Variants in GALNT5 observed in about 807,000 individuals in gnomAD.
GALNT5 encodes the protein UDP-GalNAc:polypeptide N-acetylgalactosaminyltransferase 5.
GALNT5 carries 72 observed loss-of-function variants against 85.4 expected under a neutral mutation model. The ratio of observed to expected loss-of-function variants is 0.84; its 90% CI spans 0.70 to 1.03. GALNT5 has a LOEUF of 1.03. Among genes scored for constraint, GALNT5 ranks in the 50% least tolerant of loss-of-function variants. The pLI, the probability that GALNT5 is intolerant of heterozygous loss-of-function variation, is 0.00. For missense variants in GALNT5, 1,137 were observed against 1,135.5 expected, an observed-to-expected ratio of 1.00 and a Z score of -0.02; for synonymous variants, 404 against 397.0, an observed-to-expected ratio of 1.02 and a Z score of -0.21.
intron 1 of GALNT5, among the ~76,000 whole-genome samples, chr2:157,274,274 A>G (rs1682668281): frequency 6.6e-6 from 1 of 152,220 alleles, no homozygotes; most frequent in South Asian, 2.1e-4. Context: ...TAGTGCCGCA[A>G]TAAACAAACG....
Position 157,259,431 on chromosome 2 carries a change from G to A in GALNT5, c.1349G>A (p.Gly450Glu). The change falls in exon 1 of 10, where the codon GGA becomes GAA. Residue 450 changes from glycine to glutamate, a missense_variant. Coordinates refer to ENST00000259056, the MANE Select transcript of GALNT5 (RefSeq NM_014568.3). The part of the protein sequence containing the change: ...QFGRPVVVPH[G>E]KEKEAERRWK... ...GGGCGTCCTGTAGTTGTCCCCCATG[G>A]AAAGGAGAAGGAGGCAGAAAGAAGA... is the stretch of plus-strand genomic sequence containing the variant. The A allele has an allele frequency of 6.8e-7, 1 of 1,475,610 alleles. No homozygotes were observed. The highest frequency in any genetic ancestry group is 1.6e-5 in the South Asian group (1 of 62,130). 91.4% of individuals were successfully genotyped at this position (1,475,610 alleles called of 1,614,324 possible).
intron 6 of GALNT5, among the ~76,000 whole-genome samples, chr2:157,300,144 CATTG>C (rs1683307205): frequency 6.6e-6 from 1 of 152,194 alleles, no homozygotes; most frequent in African/African-American, 2.4e-5. Flanking sequence ...ATTATACAAT[CATTG>C]ATTAACTTCT....
rs139145540 is a variant in GALNT5, at chr2:157,305,732, C to T, written c.2440-17C>T. 7.4e-4 allele frequency: 1,051 copies of T among 1,412,788 alleles called. 1 individual carries two copies. Among genetic ancestry groups the T allele is most frequent in the East Asian group, 6.4e-3 (281 of 43,862 alleles). The allele number at this position is 1,412,788 out of a possible 1,614,324, so 87.5% of individuals were successfully genotyped here. On this transcript the variant is annotated splice_polypyrimidine_tract_variant and intron_variant, in intron 7 of 9. Coordinates refer to ENST00000259056, the MANE Select transcript of GALNT5 (RefSeq NM_014568.3). Reference sequence around the variant, plus strand: ...TTAAAATATTTTGTAATTCCTGTTTCGTATTTTGCTTTTTAGCTTATTAAT... The same window carrying T: ...TTAAAATATTTTGTAATTCCTGTTTTGTATTTTGCTTTTTAGCTTATTAAT...
At position 157,314,780 on chromosome 2, in the gene GALNT5, C is replaced by T. The variant is rs546401794; in HGVS notation, c.*3432C>T. Reference sequence around the variant, plus strand: ...TGATTGAATTCCTATATTCAGAATACAAGAAAAAAAATTTACCAACCAGGC... The same window carrying T: ...TGATTGAATTCCTATATTCAGAATATAAGAAAAAAAATTTACCAACCAGGC... On this transcript the variant is annotated 3_prime_UTR_variant, in exon 10 of 10. Transcript: ENST00000259056. Among the ~76,000 whole-genome samples, 1 of 151,950 alleles carries T rather than the reference C, an allele frequency of 6.6e-6. No individual in the cohort carries two copies. Among genetic ancestry groups the T allele is most frequent in the African/African-American group, 2.4e-5 (1 of 41,382 alleles).
In GALNT5 at chr2:157,259,507, T is replaced by C. The variant is rs768475075; in HGVS notation, c.1425T>C (p.Asp475=). The C allele has an allele frequency of 5.7e-6, 8 of 1,401,180 alleles. No individual in the cohort carries two copies. In the South Asian group the frequency reaches 1.1e-4, roughly 18 times the overall value. The allele number at this position is 1,401,180 out of a possible 1,614,324, so 86.8% of individuals were successfully genotyped here. Residue 475 remains aspartate, a synonymous_variant, in exon 1 of 10, where the codon GAT becomes GAC. Transcript: ENST00000259056. ...ACCTTAGCGATTTGATCCCAGTGGA[T>C]AGAGCCATTGAAGACACCAGACCTG... ...NVYLSDLIPV[D]RAIEDTRPAG... is the part of the protein sequence containing the mutation.
chr2:157,259,382 G>A lies in GALNT5; in HGVS notation c.1300G>A (p.Asp434Asn), dbSNP rs939145608. ...AATTGATGTGACACTTTCTCCAAGG[G>A]ACCCCAAAGCTCCAGGGCAGTTTGG... ...LRIDVTLSPRDPKAPGQFGRP... is the reference protein window; with the variant it reads ...LRIDVTLSPRNPKAPGQFGRP... The change falls in exon 1 of 10, where the codon GAC (aspartate) becomes AAC (asparagine). Residue 434 changes from aspartate to asparagine, a missense_variant. Physicochemically the swap from Asp to Asn is conservative, Grantham distance 23. Transcript: ENST00000259056. 37 of 1,510,876 alleles carry A rather than the reference G, an allele frequency of 2.4e-5. No individual in the cohort carries two copies. The highest frequency in any genetic ancestry group is 3.0e-5 in the Non-Finnish European group (34 of 1,127,206). 93.6% of individuals were successfully genotyped at this position (1,510,876 alleles called of 1,614,324 possible). A position where few individuals can be genotyped will look rare whatever the true frequency, so the allele number is the denominator to read the frequency against.
rs1176744153 is a variant in GALNT5, at chr2:157,311,194, T to C, written c.2683-14T>C. ...TCAGCCTGTGGCTCATTCCCAGCTC[T>C]TCTTTCTCTCCAGGTGAATCACATT... On this transcript the variant is annotated splice_polypyrimidine_tract_variant and intron_variant, in intron 9 of 9. Transcript: ENST00000259056. 1 of 1,602,706 alleles carries C rather than the reference T, an allele frequency of 6.2e-7. No individual in the cohort carries two copies. The highest frequency in any genetic ancestry group is 2.2e-5 in the East Asian group (1 of 44,578).
At chr2:157,285,461 C>T (rs1367079781) in intron 2 of GALNT5, among the ~76,000 whole-genome samples, 1 of 152,174 alleles carries the variant, frequency 6.6e-6, no homozygotes, top group Non-Finnish European at 1.5e-5. Flanking sequence ...AGCTTGATTA[C>T]ACACAGAAAT....
At position 157,317,944 on chromosome 2, in the gene GALNT5, A is replaced by G. The variant is rs1244040461; in HGVS notation, c.*6596A>G. On this transcript the variant is annotated 3_prime_UTR_variant, in exon 10 of 10. Coordinates refer to ENST00000259056, the MANE Select transcript of GALNT5 (RefSeq NM_014568.3). ...GTTTTGAAGTTAAGTAGAATATTGT[A>G]GGGGTTATCAGAAACCCATATTCAT... 2.0e-5 allele frequency among the ~76,000 whole-genome samples: 3 copies of G among 152,146 alleles called. No homozygotes were observed. The highest frequency in any genetic ancestry group is 4.4e-5 in the Non-Finnish European group (3 of 68,000).
chr2:157,277,722 CAT>C (rs1304462259), intron 1 of GALNT5, among the ~76,000 whole-genome samples: 2 of 152,320 alleles, frequency 1.3e-5, no homozygotes, highest in Non-Finnish European at 2.9e-5. Flanking sequence ...TGTCTCTGCA[CAT>C]GAGATGGGTC....
At position 157,314,753 on chromosome 2, in the gene GALNT5, T is replaced by C. The variant is rs1034748653; in HGVS notation, c.*3405T>C. Among the ~76,000 whole-genome samples the C allele has an allele frequency of 6.6e-6, 1 of 152,140 alleles. No homozygotes were observed. The highest frequency in any genetic ancestry group is 1.5e-5 in the Non-Finnish European group (1 of 68,028). The stretch of plus-strand genomic sequence containing the variant: ...TACCATCTTTCTTTGTTTTAACATC[T>C]CTGATTGAATTCCTATATTCAGAAT... On this transcript the variant is annotated 3_prime_UTR_variant, in exon 10 of 10. Coordinates refer to ENST00000259056, the MANE Select transcript of GALNT5 (RefSeq NM_014568.3).
chr2:157,297,649 G>A (rs1258073054), intron 5 of GALNT5, among the ~76,000 whole-genome samples: 1 of 152,214 alleles, frequency 6.6e-6, no homozygotes, highest in Non-Finnish European at 1.5e-5. Flanking sequence ...GGATAGTCTA[G>A]TAGGAAAATT....
rs1683499268 is a variant in GALNT5 at position 157,308,457 on chromosome 2, ATG to A, written c.2521-108_2521-107del. Reference sequence around the variant, plus strand: ...GATAATACCAGGACTTGAATATAAAATGTCAGATCATAGTTCCTATATTCTTA... The same window carrying A: ...GATAATACCAGGACTTGAATATAAAATCAGATCATAGTTCCTATATTCTTA... On this transcript the variant is annotated intron_variant, in intron 8 of 9. Coordinates refer to ENST00000259056, the MANE Select transcript of GALNT5 (RefSeq NM_014568.3). 8.2e-6 allele frequency: 6 copies of A among 732,330 alleles called. No homozygotes were observed. In the South Asian group the frequency reaches 1.2e-4, roughly 15 times the overall value. The allele number at this position is 732,330 out of a possible 1,614,324, so 45.4% of individuals were successfully genotyped here.
At chr2:157,262,380 TA>T (rs1168835467) in intron 1 of GALNT5, among the ~76,000 whole-genome samples, 6 of 152,212 alleles carry the variant, frequency 3.9e-5, no homozygotes, top group African/African-American at 1.4e-4. Context: ...CTCAAGCCTG[TA>T]ATCTCAGCAC....
chr2:157,261,383 T>C (rs554534740), intron 1 of GALNT5, among the ~76,000 whole-genome samples: 5 of 152,368 alleles, frequency 3.3e-5, no homozygotes, highest in Admixed American at 1.3e-4. Flanking sequence ...TTCTATACTT[T>C]GTTCTGTAGA....
At position 157,257,772 on chromosome 2, in the gene GALNT5, G is replaced by T; in HGVS notation, c.-311G>T. ...ATGGGCTCCCGGAGACAAGACAAGT[G>T]ATATGTTGAACTGTTCGGTGGCTGG... On this transcript the variant is annotated 5_prime_UTR_variant, in exon 1 of 10. An upstream open reading frame in the 5' UTR loses its in-frame stop. Transcript: ENST00000259056. 3.4e-6 allele frequency: 1 copy of T among 297,646 alleles called. No homozygotes were observed. Among genetic ancestry groups the T allele is most frequent in the Non-Finnish European group, 6.3e-6 (1 of 159,380 alleles). The allele number at this position is 297,646 out of a possible 1,614,324, so 18.4% of individuals were successfully genotyped here.
Position 157,286,003 on chromosome 2 carries a change from A to T in GALNT5, c.1622-12A>T. The T allele has an allele frequency of 1.3e-6, 2 of 1,589,038 alleles. No individual in the cohort carries two copies. The highest frequency in any genetic ancestry group is 1.7e-6 in the Non-Finnish European group (2 of 1,158,262). ...TTCAAGTATTTCCTGGTTTATCTTTACTCTGATGTAGACTATCTAAAAGAT... is the reference window on the plus strand; with the variant it reads ...TTCAAGTATTTCCTGGTTTATCTTTTCTCTGATGTAGACTATCTAAAAGAT... On this transcript the variant is annotated splice_polypyrimidine_tract_variant and intron_variant, in intron 2 of 9. Coordinates refer to ENST00000259056, the MANE Select transcript of GALNT5 (RefSeq NM_014568.3).
At chr2:157,274,613 T>C (rs1171438335) in intron 1 of GALNT5, among the ~76,000 whole-genome samples, 1 of 152,238 alleles carries the variant, frequency 6.6e-6, no homozygotes, top group African/African-American at 2.4e-5. Flanking sequence ...GTCTGTTGGC[T>C]GCATAAATGT....
Position 157,280,092 on chromosome 2 carries a change from C to A in GALNT5, c.1455-4190C>A, listed in dbSNP as rs369401534. Among the ~76,000 whole-genome samples the A allele has an allele frequency of 3.9e-5, 6 of 152,180 alleles. No homozygotes were observed. In the East Asian group the frequency reaches 7.7e-4, roughly 20 times the overall value. On this transcript the variant is annotated intron_variant, in intron 1 of 9. Transcript: ENST00000259056. Reference sequence around the variant, plus strand: ...GCATTACAGGCATGAGCTACCTCACCCAGCCTATTTCTTGCCTTAACTCAT... The same window carrying A: ...GCATTACAGGCATGAGCTACCTCACACAGCCTATTTCTTGCCTTAACTCAT...
Sources: gnomAD v4.1 joint callset for allele counts (sites outside exome capture counted in the v4.1 genomes callset) on GRCh38, gnomAD v4.1.1 for gene constraint, MANE v1.5 for transcripts, NCBI Gene and HGNC (gene_info 2026-07-23, HGNC 2026-07-21) for gene names.